The following DAB1 variants were observed in gnomAD, a reference collection of about 807,000 sequenced individuals.
The protein encoded by DAB1 is DAB adaptor protein 1, also known as disabled homolog 1.
Under a neutral mutation model 64.6 loss-of-function variants are expected in DAB1, and 15 were observed. The observed-to-expected ratio is 0.23, with a 90% CI of 0.16 to 0.36. The LOEUF (loss-of-function observed/expected upper bound fraction) is 0.36. Ranked by LOEUF, DAB1 falls within the 10% of genes least tolerant of loss-of-function variation. The pLI, the probability that DAB1 is intolerant of heterozygous loss-of-function variation, is 1.00. For synonymous variants in DAB1, 235 were observed against 251.9 expected (o/e 0.93, Z 0.64); for missense variants, 596 against 706.7 (o/e 0.84, Z 1.78).
At chr1:57,615,809 G>T (rs2101608996) in intron 7 of DAB1, among the ~76,000 whole-genome samples, 1 of 152,268 alleles carries the variant, frequency 6.6e-6, no homozygotes, top group Admixed American at 6.5e-5. Context: ...GCATCTTAAG[G>T]GTTTACAGTG....
At chr1:57,205,300 C>T (rs1665447410) in intron 2 of DAB1, among the ~76,000 whole-genome samples, 1 of 152,164 alleles carries the variant, frequency 6.6e-6, no homozygotes, top group South Asian at 2.1e-4. Flanking sequence ...TTCATTCTTT[C>T]TTTTACATAT....
intron 6 of DAB1, among the ~76,000 whole-genome samples, chr1:57,671,856 G>A (rs909642121): frequency 2.0e-5 from 3 of 151,926 alleles, no homozygotes; most frequent in Non-Finnish European, 2.9e-5. Context: ...TGCCTCTACT[G>A]TATCACTTTG....
chr1:58,524,431 T>C (rs1404962346), intron 2 of DAB1, among the ~76,000 whole-genome samples: 1 of 152,208 alleles, frequency 6.6e-6, no homozygotes, highest in African/African-American at 2.4e-5. Context: ...CCTTTTAAGT[T>C]GTAATATAAT....
intron 5 of DAB1, among the ~76,000 whole-genome samples, chr1:58,096,567 T>C (rs1351914849): frequency 6.6e-6 from 1 of 152,246 alleles, no homozygotes; most frequent in Non-Finnish European, 1.5e-5. Flanking sequence ...TACTTTGTTA[T>C]TGCCTGTATT....
chr1:57,107,252 G>C (rs1055696329), intron 4 of DAB1, among the ~76,000 whole-genome samples: 3 of 151,982 alleles, frequency 2.0e-5, no homozygotes, highest in Non-Finnish European at 4.4e-5. Flanking sequence ...GTGGATGCCT[G>C]TAATCCCAGC....
At chr1:57,911,343 A>AT (rs1423475578) in intron 5 of DAB1, among the ~76,000 whole-genome samples, 1 of 152,162 alleles carries the variant, frequency 6.6e-6, no homozygotes, top group Non-Finnish European at 1.5e-5. Context: ...ATTCTCTTGC[A>AT]TGGTGGCTTT....
intron 2 of DAB1, among the ~76,000 whole-genome samples, chr1:57,276,794 C>T (rs551839034): frequency 7.9e-4 from 120 of 152,330 alleles, no homozygotes; most frequent in Middle Eastern, 3.4e-3. Context: ...GTTGTCTCTG[C>T]TAAGTGATTT....
intron 5 of DAB1, among the ~76,000 whole-genome samples, chr1:58,087,634 G>T (rs1423636425): frequency 1.3e-5 from 2 of 152,164 alleles, no homozygotes; most frequent in Non-Finnish European, 2.9e-5. Flanking sequence ...AGGACCAGTG[G>T]ATCTGAGAGT....
At chr1:57,783,891 TC>T (rs1405701380) in intron 6 of DAB1, among the ~76,000 whole-genome samples, 1 of 152,142 alleles carries the variant, frequency 6.6e-6, no homozygotes, top group African/African-American at 2.4e-5. Context: ...AACTGGTCAT[TC>T]CCCAATCTCT....
chr1:57,905,586 T>C (rs976679972), intron 5 of DAB1, among the ~76,000 whole-genome samples: 2 of 152,094 alleles, frequency 1.3e-5, no homozygotes, highest in African/African-American at 4.8e-5. Context: ...CATTTCAAGA[T>C]GGAGATAAGT....
At position 57,726,581 on chromosome 1, in the gene DAB1, A is replaced by G. The variant is rs538732983; in HGVS notation, n.552-76916T>C. 3.9e-5 allele frequency among the ~76,000 whole-genome samples: 6 copies of G among 152,330 alleles called. No homozygotes were observed. In the East Asian group the frequency reaches 5.8e-4, roughly 15 times the overall value. On this transcript the variant is annotated intron_variant and non_coding_transcript_variant, in intron 6 of 20. Coordinates refer to the DAB1 transcript ENST00000485760. Reference sequence around the variant, plus strand: ...AAAGAAAATTATTACCATTGCAGCTAAAGAGTATTAAGTGTTGAAGTCAGG... The same window carrying G: ...AAAGAAAATTATTACCATTGCAGCTGAAGAGTATTAAGTGTTGAAGTCAGG...
chr1:58,283,256 T>G (rs1175373702), intron 4 of DAB1, among the ~76,000 whole-genome samples: 1 of 152,064 alleles, frequency 6.6e-6, no homozygotes, highest in Admixed American at 6.6e-5. Flanking sequence ...GAAGAAGAAT[T>G]TGTATTTCAT....
intron 3 of DAB1, among the ~76,000 whole-genome samples, chr1:58,462,344 T>C (rs1569832228): frequency 6.6e-6 from 1 of 152,036 alleles, no homozygotes; most frequent in Non-Finnish European, 1.5e-5. Context: ...GCCAGGATGG[T>C]CTCGATCTCC....
chr1:57,521,262 T>C (rs1175700524), intron 7 of DAB1, among the ~76,000 whole-genome samples: 1 of 152,160 alleles, frequency 6.6e-6, no homozygotes, highest in Admixed American at 6.5e-5. Flanking sequence ...CATAAGTCAG[T>C]AGTGACTGGG....
chr1:57,277,404 G>A (rs2764666), intron 2 of DAB1, among the ~76,000 whole-genome samples: 75,244 of 151,898 alleles, frequency 0.5, 18,917 homozygotes, highest in Admixed American at 0.64. Flanking sequence ...TATATATCAT[G>A]TATCTTCTAG....
intron 5 of DAB1, among the ~76,000 whole-genome samples, chr1:57,993,851 A>G (rs1056736184): frequency 1.3e-5 from 2 of 152,222 alleles, no homozygotes; most frequent in Non-Finnish European, 2.9e-5. Context: ...TCCCAACCCC[A>G]GTAGAAAGAG....
At chr1:57,754,149 G>T (rs1226553267) in intron 6 of DAB1, among the ~76,000 whole-genome samples, 1 of 152,074 alleles carries the variant, frequency 6.6e-6, no homozygotes, top group East Asian at 1.9e-4. Context: ...GGGCAGATTT[G>T]GCCACAGCTC....
intron 7 of DAB1, among the ~76,000 whole-genome samples, chr1:57,448,983 C>G (rs1446693966): frequency 6.6e-6 from 1 of 152,170 alleles, no homozygotes; most frequent in Non-Finnish European, 1.5e-5. Flanking sequence ...CTGTGCTCGA[C>G]TTTGGACTTG....
intron 7 of DAB1, among the ~76,000 whole-genome samples, chr1:57,489,036 T>G (rs754065266): frequency 3.3e-5 from 5 of 152,332 alleles, no homozygotes; most frequent in African/African-American, 1.2e-4. Context: ...ATCCCAGCTC[T>G]CCCATTATTT....
Sources: gnomAD v4.1 joint callset for allele counts (sites outside exome capture counted in the v4.1 genomes callset) on GRCh38, gnomAD v4.1.1 for gene constraint, MANE v1.5 for transcripts, NCBI Gene and HGNC (gene_info 2026-07-23, HGNC 2026-07-21) for gene names.